IRAK1BP1: variants seen among roughly 807,000 people sequenced by gnomAD.
The protein encoded by IRAK1BP1 is interleukin 1 receptor associated kinase 1 binding protein 1, also known as interleukin-1 receptor-associated kinase 1-binding protein 1.
A neutral mutation model predicts 28.0 loss-of-function variants in IRAK1BP1; 24 were observed. The ratio of observed to expected loss-of-function variants is 0.86; its 90% confidence interval spans 0.62 to 1.20. The LOEUF is 1.20. Among genes scored for constraint, IRAK1BP1 ranks in the 50% most tolerant of loss-of-function variants. The probability of loss-of-function intolerance (pLI) is 0.00; values close to 1 mark genes in which losing one functional copy is unlikely to be tolerated. For synonymous variants in IRAK1BP1, 131 were observed against 116.3 expected (o/e 1.13, Z -0.81); for missense variants, 336 against 316.7 (o/e 1.06, Z -0.46).
At chr6:78,904,673 A>G (rs1768580442), downstream of IRAK1BP1, among the ~76,000 whole-genome samples, 1 of 152,212 alleles carries the variant, frequency 6.6e-6, no homozygotes, top group Non-Finnish European at 1.5e-5. Context: ...AAGAATTAGT[A>G]TAACAATTCA....
At chr6:78,955,493 T>TA in the IRAK1BP1 span, 3,177 of 494,512 alleles carry the variant, frequency 6.4e-3, 1 homozygote, top group South Asian at 0.02. Context: ...TTTTTTTTTT[T>TA]AAATTAACTA....
At chr6:78,961,101 C>A in the IRAK1BP1 span, among the ~76,000 whole-genome samples, 1 of 151,878 alleles carries the variant, frequency 6.6e-6, no homozygotes, top group African/African-American at 2.4e-5. Context: ...AGCCTACTGA[C>A]GATTAAAGAC....
chr6:78,970,749 T>G, the IRAK1BP1 span: 5 of 1,329,022 alleles, frequency 3.8e-6, no homozygotes, highest in East Asian at 2.3e-5. Flanking sequence ...ATTGTATTTT[T>G]GGGGCTATTA....
intron 1 of IRAK1BP1, among the ~76,000 whole-genome samples, chr6:78,875,783 G>A (rs9448586): frequency 0.11 from 17,372 of 152,040 alleles, 1,242 homozygotes; most frequent in African/African-American, 0.18. Context: ...CTTGGGCAAC[G>A]GGATCAGTTG....
intron 2 of IRAK1BP1, among the ~76,000 whole-genome samples, chr6:78,891,659 A>G (rs1408753379): frequency 6.6e-6 from 1 of 151,960 alleles, no homozygotes; most frequent in African/African-American, 2.4e-5. Flanking sequence ...CCGGGTTTTC[A>G]CCATGTTGGC....
At chr6:78,887,735 AC>A (rs1562082318) in intron 2 of IRAK1BP1, among the ~76,000 whole-genome samples, 1 of 151,954 alleles carries the variant, frequency 6.6e-6, no homozygotes, top group Non-Finnish European at 1.5e-5. Context: ...AAAAATTAGA[AC>A]CCTTGTGCCC....
At chr6:78,961,279 A>G in the IRAK1BP1 span, among the ~76,000 whole-genome samples, 1 of 152,026 alleles carries the variant, frequency 6.6e-6, no homozygotes, top group East Asian at 1.9e-4. Flanking sequence ...AACAAAATAC[A>G]TAATACGAAT....
At chr6:78,885,789 T>G (rs1314380530) in intron 2 of IRAK1BP1, among the ~76,000 whole-genome samples, 2 of 152,188 alleles carry the variant, frequency 1.3e-5, no homozygotes, top group African/African-American at 4.8e-5. Context: ...TTGAAATGCT[T>G]TTCAACATTC....
At chr6:78,878,792 A>G (rs1169864081) in intron 1 of IRAK1BP1, among the ~76,000 whole-genome samples, 1 of 152,252 alleles carries the variant, frequency 6.6e-6, no homozygotes, top group African/African-American at 2.4e-5. Flanking sequence ...TAAACGGCGT[A>G]GAGAAGACCT....
chr6:78,955,615 C>G, the IRAK1BP1 span: 1 of 950,278 alleles, frequency 1.1e-6, no homozygotes, highest in South Asian at 1.5e-5. Flanking sequence ...TTACATACCT[C>G]AGAATCAGAC....
rs1771978360 is a variant in IRAK1BP1 at position 78,898,421 on chromosome 6, T to TAC, written c.*88_*89insCA. On this transcript the variant is annotated 3_prime_UTR_variant, in exon 4 of 4. Transcript: ENST00000369940. ...TTTACGTTTGTCCTGAATATATATA[T>TAC]ATATATATATATATATATATATATG... 1.3e-5 allele frequency: 2 copies of TAC among 151,670 alleles called. No individual in the cohort carries two copies. Among genetic ancestry groups the TAC allele is most frequent in the African/African-American group, 5.5e-5 (2 of 36,268 alleles). 9.4% of individuals were successfully genotyped at this position (151,670 alleles called of 1,614,324 possible).
Position 78,945,445 on chromosome 6 carries a change from A to G in IRAK1BP1, c.*105A>G, listed in dbSNP as rs768388151. ...TGCCATGACTAAAACTGGATTGACC[A>G]GGACTGGAAAGAGTATTCAAAGCTT... On this transcript the variant is annotated 3_prime_UTR_variant and NMD_transcript_variant, in exon 5 of 5. Coordinates refer to the IRAK1BP1 transcript ENST00000606868. The G allele has an allele frequency of 2.5e-5, 40 of 1,611,198 alleles. No homozygotes were observed. The highest frequency in any genetic ancestry group is 3.1e-5 in the Non-Finnish European group (37 of 1,177,470).
chr6:78,911,594 T>A (rs66511207), intron 4 of IRAK1BP1, among the ~76,000 whole-genome samples: 1 of 152,176 alleles, frequency 6.6e-6, no homozygotes, highest in Non-Finnish European at 1.5e-5. Context: ...GACTGCCACC[T>A]CAGCTGAATT....
intron 4 of IRAK1BP1, among the ~76,000 whole-genome samples, chr6:78,917,701 AT>A (rs1247991285): frequency 6.6e-6 from 1 of 152,042 alleles, no homozygotes; most frequent in African/African-American, 2.4e-5. Flanking sequence ...TACAAAGAGA[AT>A]TCCATCAGAC....
At chr6:78,970,718 C>T in the IRAK1BP1 span, 17 of 1,058,528 alleles carry the variant, frequency 1.6e-5, no homozygotes, top group Non-Finnish European at 2.3e-5. Context: ...ACCTTTGATA[C>T]AATTTTCTCC....
At chr6:78,958,453 T>C in the IRAK1BP1 span, 1 of 1,331,976 alleles carries the variant, frequency 7.5e-7, no homozygotes, top group Non-Finnish European at 1.1e-6. Context: ...CTATCATAAT[T>C]ACATATGAAA....
chr6:78,961,681 G>A, the IRAK1BP1 span: 1 of 1,609,874 alleles, frequency 6.2e-7, no homozygotes, highest in Non-Finnish European at 8.5e-7. Context: ...TACATCAAAT[G>A]GTTCTAACCT....
At chr6:78,923,611 AT>A (rs1225558114) in intron 4 of IRAK1BP1, among the ~76,000 whole-genome samples, 1 of 152,220 alleles carries the variant, frequency 6.6e-6, no homozygotes, top group African/African-American at 2.4e-5. Flanking sequence ...TCAACAGAAT[AT>A]ACATTCTTTT....
At chr6:78,884,046 T>A (rs1014591688) in intron 1 of IRAK1BP1, among the ~76,000 whole-genome samples, 2 of 152,212 alleles carry the variant, frequency 1.3e-5, no homozygotes, top group Middle Eastern at 3.2e-3. Context: ...CGTACTGTTT[T>A]GTACTTAACC....
Sources: allele counts gnomAD v4.1 joint callset (sites outside exome capture counted in the v4.1 genomes callset), GRCh38; gene constraint gnomAD v4.1.1; transcripts MANE v1.5; gene names NCBI Gene and HGNC (gene_info 2026-07-23, HGNC 2026-07-21).